The following FHIT variants were observed in gnomAD, a reference collection of about 807,000 sequenced individuals.
FHIT encodes bis(5'-adenosyl)-triphosphatase.
A neutral mutation model predicts 17.9 loss-of-function variants in FHIT; 19 were observed. The ratio of observed to expected loss-of-function variants is 1.06; its 90% CI spans 0.74 to 1.56. The LOEUF (loss-of-function observed/expected upper bound fraction) is 1.56, where lower values mean the gene tolerates loss of function less well. FHIT is among the 40% of genes most tolerant of loss of function. The probability of loss-of-function intolerance (pLI) is 0.00; values close to 1 mark genes in which losing one functional copy is unlikely to be tolerated. For missense variants in FHIT, 248 were observed against 189.2 expected (o/e 1.31, Z -1.82); for synonymous variants, 81 against 69.7 (o/e 1.16, Z -0.81).
intron 4 of FHIT, among the ~76,000 whole-genome samples, chr3:60,557,403 CAA>C (rs111326296): frequency 1.4e-5 from 2 of 139,968 alleles, no homozygotes; most frequent in African/African-American, 5.2e-5. Flanking sequence ...ACAGGAAGAA[CAA>C]AAAAAAAAAT....
intron 8 of FHIT, among the ~76,000 whole-genome samples, chr3:59,864,682 G>A (rs1413011846): frequency 1.3e-5 from 2 of 151,656 alleles, no homozygotes; most frequent in African/African-American, 2.4e-5. Flanking sequence ...TGGTGTTCAT[G>A]TCATACCCTC....
intron 5 of FHIT, among the ~76,000 whole-genome samples, chr3:60,111,044 G>A (rs140832568): frequency 4.2e-4 from 64 of 152,024 alleles, no homozygotes; most frequent in African/African-American, 1.5e-3. Flanking sequence ...ATTGTCAGAG[G>A]TGAACTATAC....
intron 4 of FHIT, among the ~76,000 whole-genome samples, chr3:60,708,794 T>C (rs571212740): frequency 2.0e-5 from 3 of 152,310 alleles, no homozygotes; most frequent in Non-Finnish European, 4.4e-5. Flanking sequence ...GAAAATGTTT[T>C]TGTGGACAAA....
intron 4 of FHIT, among the ~76,000 whole-genome samples, chr3:60,748,119 G>A (rs1454328809): frequency 6.6e-6 from 1 of 152,172 alleles, no homozygotes; most frequent in Admixed American, 6.5e-5. Flanking sequence ...CTTTGGAGTA[G>A]AGAAAATGTG....
intron 5 of FHIT, among the ~76,000 whole-genome samples, chr3:60,406,490 AGAG>A (rs1701861493): frequency 6.6e-6 from 1 of 152,220 alleles, no homozygotes; most frequent in African/African-American, 2.4e-5. Context: ...GGAAAGCGAA[AGAG>A]ACACACGGCA....
chr3:60,104,482 C>CTTT lies in FHIT; in HGVS notation c.104-90333_104-90331dup, dbSNP rs35294469. Among the ~76,000 whole-genome samples, 963 of 147,512 alleles carry CTTT rather than the reference C, an allele frequency of 6.5e-3. 12 individuals carry two copies. The highest frequency in any genetic ancestry group is 0.021 in the African/African-American group (839 of 40,260). Reference sequence around the variant, plus strand: ...AGTCTTGAAGAGAGAGTGAATTAAACTTTTTTTTTTTTTTACAACAATCAG... The same window carrying CTTT: ...AGTCTTGAAGAGAGAGTGAATTAAACTTTTTTTTTTTTTTTTTACAACAATCAG... On this transcript the variant is annotated intron_variant, in intron 5 of 9. Coordinates refer to ENST00000492590, the MANE Select transcript of FHIT (RefSeq NM_002012.4).
intron 3 of FHIT, among the ~76,000 whole-genome samples, chr3:60,836,803 G>A (rs1702558320): frequency 6.6e-6 from 1 of 152,110 alleles, no homozygotes; most frequent in South Asian, 2.1e-4. Context: ...GGTTTAAAAA[G>A]GGAAAACTTG....
At chr3:60,599,134 G>A (rs948584158) in intron 4 of FHIT, among the ~76,000 whole-genome samples, 1 of 152,166 alleles carries the variant, frequency 6.6e-6, no homozygotes, top group South Asian at 2.1e-4. Flanking sequence ...GATCCCGCCA[G>A]ATCAGAAACC....
chr3:59,859,220 G>A (rs1026248043), intron 8 of FHIT, among the ~76,000 whole-genome samples: 2 of 152,188 alleles, frequency 1.3e-5, no homozygotes, highest in African/African-American at 4.8e-5. Flanking sequence ...TGGGGATACG[G>A]TCAGTGTGGT....
In FHIT at chr3:60,588,430, AAGAGGGGAAGGAGAAAG is replaced by A. The variant is rs552385964; in HGVS notation, c.-17-51468_-17-51452del. On this transcript the variant is annotated intron_variant, in intron 4 of 9. Transcript: ENST00000492590. Reference sequence around the variant, plus strand: ...ATTCTCAAAGGAAGAGAAGAAAATAAAGAGGGGAAGGAGAAAGAGAGGGGAAGGAGAAAGGGAGAAAA... The same window carrying A: ...ATTCTCAAAGGAAGAGAAGAAAATAAAGAGGGGAAGGAGAAAGGGAGAAAA... Among the ~76,000 whole-genome samples, 241 of 152,112 alleles carry A rather than the reference AAGAGGGGAAGGAGAAAG, an allele frequency of 1.6e-3. 2 individuals are homozygous for A. Among genetic ancestry groups the A allele is most frequent in the Admixed American group, 3.7e-3 (57 of 15,256 alleles).
chr3:59,908,656 T>G (rs1472735929), intron 8 of FHIT, among the ~76,000 whole-genome samples: 4 of 151,996 alleles, frequency 2.6e-5, no homozygotes, highest in African/African-American at 9.7e-5. Context: ...GACATGTTGC[T>G]CATTAAGGCC....
chr3:60,183,371 C>T (rs1451111834), intron 5 of FHIT, among the ~76,000 whole-genome samples: 1 of 152,168 alleles, frequency 6.6e-6, no homozygotes, highest in Non-Finnish European at 1.5e-5. Flanking sequence ...GCACTCAAAT[C>T]TGGGCAACAG....
In FHIT at chr3:61,200,617, C is replaced by T. The variant is rs959196234; in HGVS notation, c.-164G>A. 2 of 152,564 alleles carry T rather than the reference C, an allele frequency of 1.3e-5. No homozygotes were observed. The highest frequency in any genetic ancestry group is 4.8e-5 in the African/African-American group (2 of 41,410). 9.5% of individuals were successfully genotyped at this position (152,564 alleles called of 1,614,324 possible). On this transcript the variant is annotated splice_region_variant and 5_prime_UTR_variant, in exon 2 of 10. Coordinates refer to ENST00000492590, the MANE Select transcript of FHIT (RefSeq NM_002012.4). ...AAGGCCATGTAATAAATACACTTAC[C>T]TTTACAGACTGTTCTCAGTGGATTT...
chr3:60,223,462 C>T (rs1704052509), intron 5 of FHIT, among the ~76,000 whole-genome samples: 1 of 152,130 alleles, frequency 6.6e-6, no homozygotes, highest in African/African-American at 2.4e-5. Context: ...TACTTCTTTC[C>T]TAAGGTGGTA....
At chr3:60,735,729 T>C (rs1553712426) in intron 4 of FHIT, among the ~76,000 whole-genome samples, 1 of 152,350 alleles carries the variant, frequency 6.6e-6, no homozygotes, top group East Asian at 1.9e-4. Flanking sequence ...CTTAACTTTA[T>C]AGATAGGCAA....
At chr3:60,000,320 C>A (rs1221143637) in intron 7 of FHIT, among the ~76,000 whole-genome samples, 1 of 152,202 alleles carries the variant, frequency 6.6e-6, no homozygotes, top group African/African-American at 2.4e-5. Context: ...CCAAATTTGG[C>A]CCACCATCTG....
At chr3:60,458,280 T>C (rs902880689) in intron 5 of FHIT, among the ~76,000 whole-genome samples, 24 of 152,118 alleles carry the variant, frequency 1.6e-4, no homozygotes, top group African/African-American at 5.5e-4. Context: ...ATGTCCTTTG[T>C]AGGGACATGG....
At chr3:60,966,140 G>A (rs782800371) in intron 3 of FHIT, among the ~76,000 whole-genome samples, 7 of 152,092 alleles carry the variant, frequency 4.6e-5, no homozygotes, top group African/African-American at 9.7e-5. Context: ...CAGCAATTGC[G>A]GACACCCCTC....
intron 3 of FHIT, among the ~76,000 whole-genome samples, chr3:60,933,778 T>C (rs1334926089): frequency 6.6e-6 from 1 of 152,262 alleles, no homozygotes; most frequent in Non-Finnish European, 1.5e-5. Context: ...CTTACTAGTA[T>C]AGAAAGGTGC....
Sources: gnomAD v4.1 joint callset for allele counts (sites outside exome capture counted in the v4.1 genomes callset) on GRCh38, gnomAD v4.1.1 for gene constraint, MANE v1.5 for transcripts, NCBI Gene and HGNC (gene_info 2026-07-23, HGNC 2026-07-21) for gene names.